Variants in LIPH observed in about 807,000 individuals in gnomAD.
The protein encoded by LIPH is lipase H.
In LIPH, 32 loss-of-function variants were observed where a neutral mutation model predicts 47.6. The observed-to-expected ratio is 0.67, with a 90% CI of 0.51 to 0.90. The LOEUF (loss-of-function observed/expected upper bound fraction) is 0.90, where lower values mean the gene tolerates loss of function less well. LIPH is among the 40% of genes least tolerant of loss of function. The probability of loss-of-function intolerance (pLI) is 0.00; values close to 1 mark genes in which losing one functional copy is unlikely to be tolerated. For missense variants in LIPH, 497 were observed against 541.4 expected, an observed-to-expected ratio of 0.92 and a Z score of 0.81; for synonymous variants, 190 against 195.6, an observed-to-expected ratio of 0.97 and a Z score of 0.24.
chr3:185,547,870 G>GA (rs1443991467), intron 1 of LIPH, among the ~76,000 whole-genome samples: 1 of 151,540 alleles, frequency 6.6e-6, no homozygotes, highest in Non-Finnish European at 1.5e-5. Context: ...TATTTACTGA[G>GA]ACCCAGATAA....
At position 185,552,241 on chromosome 3, in the gene LIPH, CTTT is replaced by C. The variant is rs11381400; in HGVS notation, c.49+179_49+181del. On this transcript the variant is annotated intron_variant, in intron 1 of 9. Coordinates refer to ENST00000296252, the MANE Select transcript of LIPH (RefSeq NM_139248.3). The stretch of plus-strand genomic sequence containing the variant: ...ATGAGAAAGTTCATCTAACCTGTAT[CTTT>C]TTTTTTTTTTTTTAAGGAAATGTTA... Among the ~76,000 whole-genome samples, 10 of 125,966 alleles carry C rather than the reference CTTT, an allele frequency of 7.9e-5. No individual in the cohort carries two copies. In the East Asian group the frequency reaches 1.2e-3, roughly 15 times the overall value. 82.6% of individuals were successfully genotyped at this position (125,966 alleles called of 152,430 possible). A position where few individuals can be genotyped will look rare whatever the true frequency, so the allele number is the denominator to read the frequency against.
intron 1 of LIPH, among the ~76,000 whole-genome samples, chr3:185,547,442 C>T (rs1177775922): frequency 2.6e-5 from 4 of 152,116 alleles, no homozygotes; most frequent in African/African-American, 9.7e-5. Flanking sequence ...CATCCCCAAA[C>T]GTGACATAGA....
chr3:185,519,778 A>G (rs1719843181), intron 5 of LIPH, among the ~76,000 whole-genome samples: 1 of 122,084 alleles, frequency 8.2e-6, no homozygotes, highest in African/African-American at 3.1e-5. Flanking sequence ...CGGAGGTTGC[A>G]GTGAGCCGAG....
intron 4 of LIPH, among the ~76,000 whole-genome samples, chr3:185,524,728 C>T (rs1247913159): frequency 1.3e-5 from 2 of 152,186 alleles, no homozygotes; most frequent in African/African-American, 4.8e-5. Flanking sequence ...GTATTACAGG[C>T]ATGAGCCATT....
chr3:185,532,582 G>T (rs1460716382), intron 3 of LIPH, among the ~76,000 whole-genome samples: 2 of 152,112 alleles, frequency 1.3e-5, no homozygotes, highest in Non-Finnish European at 2.9e-5. Flanking sequence ...CTGAGGTCAG[G>T]AGTTCGAGAC....
At position 185,523,324 on chromosome 3, in the gene LIPH, A is replaced by T. The variant is rs1356692285; in HGVS notation, c.718+747T>A. On this transcript the variant is annotated intron_variant, in intron 5 of 9. Transcript: ENST00000296252. ...GAGTTATAATTTATAATTTATATTT[A>T]TACTACCTGTATCTTCTCAGGAAGT... 5.3e-5 allele frequency among the ~76,000 whole-genome samples: 8 copies of T among 152,330 alleles called. No homozygotes were observed. In the East Asian group the frequency reaches 1.3e-3, roughly 26 times the overall value.
intron 5 of LIPH, 55 bp downstream of exon 5, chr3:185,524,016 A>G (rs998782917): frequency 3.2e-6 from 4 of 1,242,764 alleles, no homozygotes; most frequent in Non-Finnish European, 4.7e-6. Context: ...GCCACCATGC[A>G]CAGCCTCCAA....
chr3:185,508,943 T>C, intron 9 of LIPH, 66 bp from the exon 10 acceptor site: 1 of 925,526 alleles, frequency 1.1e-6, no homozygotes. Flanking sequence ...TAGTAAATAA[T>C]ATTATATCCT....
At chr3:185,537,951 T>C (rs1720551545) in intron 1 of LIPH, among the ~76,000 whole-genome samples, 5 of 151,984 alleles carry the variant, frequency 3.3e-5, no homozygotes. Flanking sequence ...GGGCTACAGG[T>C]GCACATCACC....
At chr3:185,547,138 CA>C (rs200586248) in intron 1 of LIPH, among the ~76,000 whole-genome samples, 7,275 of 129,242 alleles carry the variant, frequency 0.056, 270 homozygotes, top group East Asian at 0.25. Context: ...GACTCCGTCT[CA>C]AAAAAAAAAA....
At chr3:185,542,208 C>T (rs931974062) in intron 1 of LIPH, among the ~76,000 whole-genome samples, 3 of 152,176 alleles carry the variant, frequency 2.0e-5, no homozygotes, top group East Asian at 1.9e-4. Flanking sequence ...GAGAGCAACA[C>T]TCTGCCTTCT....
chr3:185,550,022 T>C (rs901865687), intron 1 of LIPH, among the ~76,000 whole-genome samples: 1 of 152,220 alleles, frequency 6.6e-6, no homozygotes, highest in East Asian at 1.9e-4. Flanking sequence ...ATGGCAAACA[T>C]TCCTAACATT....
chr3:185,539,426 G>T (rs969329491), intron 1 of LIPH, among the ~76,000 whole-genome samples: 1 of 148,204 alleles, frequency 6.7e-6, no homozygotes, highest in African/African-American at 2.5e-5. Flanking sequence ...CTGGAGTGCA[G>T]TGGCGTGATC....
At chr3:185,534,560 G>T (rs1042464696) in intron 2 of LIPH, among the ~76,000 whole-genome samples, 7 of 152,028 alleles carry the variant, frequency 4.6e-5, no homozygotes, top group Non-Finnish European at 1.0e-4. Flanking sequence ...CCCTCAGATG[G>T]GTGCCCTGTG....
At chr3:185,548,900 G>A (rs1417635492) in intron 1 of LIPH, among the ~76,000 whole-genome samples, 2 of 152,118 alleles carry the variant, frequency 1.3e-5, no homozygotes, top group East Asian at 1.9e-4. Context: ...TTGGGAGGCC[G>A]AGGCAGGGGG....
rs1019757724 is a variant in LIPH, at chr3:185,522,526, AAAGG to A, written c.718+1541_718+1544del. Among the ~76,000 whole-genome samples the A allele has an allele frequency of 1.1e-4, 17 of 150,262 alleles. 1 individual carries two copies. The highest frequency in any genetic ancestry group is 6.3e-4 in the South Asian group (3 of 4,730). On this transcript the variant is annotated intron_variant, in intron 5 of 9. Coordinates refer to ENST00000296252, the MANE Select transcript of LIPH (RefSeq NM_139248.3). The stretch of plus-strand genomic sequence containing the variant: ...AAGGAAGGAGGGAAGGAAGGAAGGG[AAAGG>A]AAGGAAGGAAGAGAGGAAGAAAGGA...
chr3:185,539,284 C>G (rs1362914678), intron 1 of LIPH, among the ~76,000 whole-genome samples: 1 of 151,524 alleles, frequency 6.6e-6, no homozygotes, highest in Non-Finnish European at 1.5e-5. Context: ...ATATTTTTAT[C>G]ATAACTGGGC....
chr3:185,508,173 A>C lies in LIPH; in HGVS notation c.*617T>G, dbSNP rs1203851535. 1.3e-5 allele frequency: 2 copies of C among 154,636 alleles called. No individual in the cohort carries two copies. Among genetic ancestry groups the C allele is most frequent in the Admixed American group, 1.3e-4 (2 of 15,790 alleles). 9.6% of individuals were successfully genotyped at this position (154,636 alleles called of 1,614,324 possible). On this transcript the variant is annotated 3_prime_UTR_variant, in exon 10 of 10. Coordinates refer to ENST00000296252, the MANE Select transcript of LIPH (RefSeq NM_139248.3). ...TTGCCTTCCCTGAGCAAACAGCCCG[A>C]GAGAGAAGCTGGTGTTGATAGAGAG...
intron 7 of LIPH, among the ~76,000 whole-genome samples, chr3:185,515,315 A>G (rs1234027615): frequency 2.6e-5 from 4 of 152,128 alleles, no homozygotes; most frequent in Admixed American, 2.0e-4. Context: ...TTTAAAAAAA[A>G]AAAAGATAAA....
Sources: allele counts gnomAD v4.1 joint callset (sites outside exome capture counted in the v4.1 genomes callset), GRCh38; gene constraint gnomAD v4.1.1; transcripts MANE v1.5; gene names NCBI Gene and HGNC (gene_info 2026-07-23, HGNC 2026-07-21).